The following AKR1E2 variants were observed in gnomAD, a reference collection of about 807,000 sequenced individuals.
AKR1E2 encodes the protein 1,5-anhydro-D-fructose reductase.
AKR1E2 carries 43 observed loss-of-function variants against 41.9 expected under a neutral mutation model. The observed-to-expected ratio is 1.03, with a 90% confidence interval of 0.80 to 1.32. The LOEUF is 1.32. Among genes scored for constraint, AKR1E2 ranks in the 40% most tolerant of loss-of-function variants. The pLI is 0.00. For missense variants in AKR1E2, 423 were observed against 396.5 expected (o/e 1.07, Z -0.57); for synonymous variants, 121 against 138.9 (o/e 0.87, Z 0.91).
At chr10:4,867,627 T>G in the AKR1E2 span, among the ~76,000 whole-genome samples, 1 of 152,370 alleles carries the variant, frequency 6.6e-6, no homozygotes, top group South Asian at 2.1e-4. Flanking sequence ...ATAGTCAGTT[T>G]ATTTTCATTG....
intron 6 of AKR1E2, among the ~76,000 whole-genome samples, chr10:4,840,655 G>A (rs138308375): frequency 6.6e-6 from 1 of 152,304 alleles, no homozygotes; most frequent in East Asian, 1.9e-4. Flanking sequence ...TGAAGCTGCT[G>A]TGGGGTCCTT....
intron 8 of AKR1E2, among the ~76,000 whole-genome samples, chr10:4,844,424 TC>T (rs1258703559): frequency 6.6e-6 from 1 of 152,172 alleles, no homozygotes; most frequent in Non-Finnish European, 1.5e-5. Flanking sequence ...CAACAAAGCT[TC>T]CGCAGTGTGG....
At position 4,830,452 on chromosome 10, in the gene AKR1E2, A is replaced by G. The variant is rs879221263; in HGVS notation, c.40-223A>G. Among the ~76,000 whole-genome samples, 15 of 151,982 alleles carry G rather than the reference A, an allele frequency of 9.9e-5. No homozygotes were observed. In the South Asian group the frequency reaches 3.1e-3, roughly 32 times the overall value. On this transcript the variant is annotated intron_variant, in intron 1 of 9. Coordinates refer to ENST00000298375, the MANE Select transcript of AKR1E2 (RefSeq NM_001040177.3). ...CAGTTTTCTGCAGACACTAAAAATAACCTATAGTTTTTTTTTCCCAAAATA... is the reference window on the plus strand; with the variant it reads ...CAGTTTTCTGCAGACACTAAAAATAGCCTATAGTTTTTTTTTCCCAAAATA...
At chr10:4,849,616 G>A (rs937309908), downstream of AKR1E2, among the ~76,000 whole-genome samples, 7 of 152,242 alleles carry the variant, frequency 4.6e-5, no homozygotes, top group African/African-American at 1.4e-4. Flanking sequence ...GGGGAGGGCA[G>A]GGGTGGATGG....
chr10:4,836,543 G>A (rs555881739), intron 4 of AKR1E2, among the ~76,000 whole-genome samples: 37 of 152,308 alleles, frequency 2.4e-4, no homozygotes, highest in African/African-American at 7.7e-4. Flanking sequence ...TTAAGCTTAA[G>A]CTTGCTGAGG....
At position 4,843,352 on chromosome 10, in the gene AKR1E2, G is replaced by A. The variant is rs1564274078; in HGVS notation, c.837+848G>A. Among the ~76,000 whole-genome samples, 17 of 152,300 alleles carry A rather than the reference G, an allele frequency of 1.1e-4. No homozygotes were observed. The South Asian group carries it at 3.3e-3, about 30-fold the overall frequency. ...TAGTGCCTGGCGTATGGAAGTACCT[G>A]ATGCTCTTAGCTGCCAGTCACCCTC... On this transcript the variant is annotated intron_variant, in intron 8 of 9. Coordinates refer to ENST00000298375, the MANE Select transcript of AKR1E2 (RefSeq NM_001040177.3).
intron 6 of AKR1E2, among the ~76,000 whole-genome samples, chr10:4,840,136 A>G (rs1446371905): frequency 6.6e-6 from 1 of 152,046 alleles, no homozygotes; most frequent in Non-Finnish European, 1.5e-5. Context: ...TGACCTCCTG[A>G]CAAGGATGCT....
chr10:4,869,416 T>C, the AKR1E2 span, among the ~76,000 whole-genome samples: 1 of 152,096 alleles, frequency 6.6e-6, no homozygotes, highest in Non-Finnish European at 1.5e-5. Flanking sequence ...TCTTCTCTCT[T>C]TTTTTATGTC....
At chr10:4,837,969 G>A (rs898932040) in intron 5 of AKR1E2, among the ~76,000 whole-genome samples, 5 of 152,148 alleles carry the variant, frequency 3.3e-5, no homozygotes, top group Non-Finnish European at 7.3e-5. Context: ...ATGGCTTCAC[G>A]CGAGGCTCAC....
chr10:4,839,794 C>T lies in AKR1E2; in HGVS notation c.648C>T (p.Ser216=), dbSNP rs1405508775. The T allele has an allele frequency of 3.7e-6, 6 of 1,613,856 alleles. No homozygotes were observed. Among genetic ancestry groups the T allele is most frequent in the East Asian group, 4.5e-5 (2 of 44,890 alleles). The stretch of plus-strand genomic sequence containing the variant: ...GTTTTTGCCAATCCAGAGATGTGTC[C>T]GTGACTGCTTACCGTCCTCTTGGTG... The part of the protein sequence containing the change: ...LISFCQSRDV[S]VTAYRPLGGS... The change falls in exon 6 of 10, where the codon TCC becomes TCT. Residue 216 remains serine, a synonymous_variant. Coordinates refer to ENST00000298375, the MANE Select transcript of AKR1E2 (RefSeq NM_001040177.3).
upstream of AKR1E2, among the ~76,000 whole-genome samples, chr10:4,825,736 C>T (rs1214059675): frequency 1.3e-5 from 2 of 152,192 alleles, no homozygotes; most frequent in East Asian, 1.9e-4. Flanking sequence ...GACCCACTCC[C>T]GCGCACCCTG....
the AKR1E2 span, among the ~76,000 whole-genome samples, chr10:4,870,134 T>A: frequency 2.0e-5 from 3 of 152,094 alleles, no homozygotes; most frequent in East Asian, 5.8e-4. Context: ...TTACATTACA[T>A]ACACACAATT....
chr10:4,854,795 C>T, the AKR1E2 span, among the ~76,000 whole-genome samples: 10 of 152,178 alleles, frequency 6.6e-5, no homozygotes, highest in African/African-American at 2.4e-4. Context: ...TTAGAGGCCC[C>T]TCTTCATAAA....
the AKR1E2 span, among the ~76,000 whole-genome samples, chr10:4,871,364 G>C: frequency 2.0e-5 from 3 of 151,970 alleles, no homozygotes; most frequent in Non-Finnish European, 2.9e-5. Flanking sequence ...TTCTTGGTAT[G>C]ATAAGTAACT....
At chr10:4,837,400 C>A in intron 4 of AKR1E2, 59 bp from the exon 5 acceptor site, 1 of 1,591,278 alleles carries the variant, frequency 6.3e-7, no homozygotes, top group South Asian at 1.1e-5. Flanking sequence ...TGCTGAGGGA[C>A]GTAGATTGTC....
rs1834428842 is a variant in AKR1E2, at chr10:4,847,612, C to T, written c.*82C>T. On this transcript the variant is annotated 3_prime_UTR_variant, in exon 10 of 10. Transcript: ENST00000298375. ...TGTTGACCCTCCTCTGTCATCACAG[C>T]GCCAGGGCAGCTGTGCCTGGGACAG... 7.2e-6 allele frequency: 11 copies of T among 1,521,340 alleles called. No individual in the cohort carries two copies. In the Middle Eastern group the frequency reaches 5.1e-4, roughly 71 times the overall value. The allele number at this position is 1,521,340 out of a possible 1,614,324, so 94.2% of individuals were successfully genotyped here.
chr10:4,831,738 G>T (rs1473724531), intron 2 of AKR1E2, among the ~76,000 whole-genome samples: 2 of 152,190 alleles, frequency 1.3e-5, no homozygotes, highest in African/African-American at 4.8e-5. Flanking sequence ...GAGAAGTGAG[G>T]CTGAGTGGTG....
the AKR1E2 span, among the ~76,000 whole-genome samples, chr10:4,854,625 A>G: frequency 6.6e-6 from 1 of 152,060 alleles, no homozygotes; most frequent in East Asian, 1.9e-4. Context: ...CATGAACCAC[A>G]AAAGGGCTGA....
downstream of AKR1E2, among the ~76,000 whole-genome samples, chr10:4,851,637 A>G (rs928826282): frequency 6.6e-6 from 1 of 152,244 alleles, no homozygotes; most frequent in Admixed American, 6.5e-5. Context: ...ACTATTCTAT[A>G]AGTATGTTAC....
Sources: allele counts gnomAD v4.1 joint callset (sites outside exome capture counted in the v4.1 genomes callset), GRCh38; gene constraint gnomAD v4.1.1; transcripts MANE v1.5; gene names NCBI Gene and HGNC (gene_info 2026-07-23, HGNC 2026-07-21).